Variants in SLCO1A2 observed in about 807,000 individuals in gnomAD.
SLCO1A2 encodes the protein OATP-1.
A neutral mutation model predicts 69.0 loss-of-function variants in SLCO1A2; 67 were observed. The ratio of observed to expected loss-of-function variants is 0.97; its 90% confidence interval spans 0.80 to 1.19. The LOEUF (loss-of-function observed/expected upper bound fraction) is 1.19, where lower values mean the gene tolerates loss of function less well. Among genes scored for constraint, SLCO1A2 ranks in the 50% most tolerant of loss-of-function variants. The probability of loss-of-function intolerance (pLI) is 0.00; values close to 1 mark genes in which losing one functional copy is unlikely to be tolerated. For synonymous variants in SLCO1A2, 260 were observed against 265.9 expected, an observed-to-expected ratio of 0.98 and a Z score of 0.22; for missense variants, 787 against 793.7, an observed-to-expected ratio of 0.99 and a Z score of 0.10.
intron 2 of SLCO1A2, among the ~76,000 whole-genome samples, chr12:21,356,481 A>C (rs1342687609): frequency 3.3e-5 from 5 of 152,004 alleles, no homozygotes; most frequent in Non-Finnish European, 5.9e-5. Context: ...AGTGGGATAC[A>C]AAAGAAAAAA....
At chr12:21,367,929 A>G (rs142021881) in intron 2 of SLCO1A2, among the ~76,000 whole-genome samples, 7 of 152,284 alleles carry the variant, frequency 4.6e-5, no homozygotes, top group Middle Eastern at 3.4e-3. Context: ...TTAACAAGAG[A>G]TGTTCTCTTT....
At chr12:21,360,508 T>C (rs959713163) in intron 2 of SLCO1A2, among the ~76,000 whole-genome samples, 7 of 152,220 alleles carry the variant, frequency 4.6e-5, no homozygotes, top group South Asian at 2.1e-4. Context: ...TGGTGATTTC[T>C]GCATTTCCAA....
chr12:21,405,742 T>C (rs553766611), intron 1 of SLCO1A2, among the ~76,000 whole-genome samples: 2 of 152,304 alleles, frequency 1.3e-5, no homozygotes, highest in Non-Finnish European at 2.9e-5. Flanking sequence ...TCCTTACACC[T>C]TATACAAAAA....
rs753322266 is a variant in SLCO1A2, at chr12:21,304,494, G to A, written c.522C>T (p.Pro174=). The part of the protein sequence containing the change: ...GNIVRGMGET[P]ILPLGISYIE... Reference sequence around the variant, plus strand: ...TATAGGAAATACCCAAAGGCAGGATGGGAGTTTCACCCATTCCACGTACAA... The same window carrying A: ...TATAGGAAATACCCAAAGGCAGGATAGGAGTTTCACCCATTCCACGTACAA... Residue 174 remains proline (P), a synonymous_variant, in exon 6 of 15, where the codon CCC becomes CCT. Transcript: ENST00000683939. The A allele has an allele frequency of 1.2e-6, 2 of 1,612,060 alleles. No homozygotes were observed. The highest frequency in any genetic ancestry group is 2.2e-5 in the South Asian group (2 of 91,038).
intron 12 of SLCO1A2, among the ~76,000 whole-genome samples, chr12:21,287,148 TCAAA>T (rs1282789372): frequency 7.6e-6 from 1 of 132,166 alleles, no homozygotes; most frequent in Admixed American, 7.4e-5. Flanking sequence ...TACAATGAAC[TCAAA>T]CAAATTTACA....
intron 2 of SLCO1A2, among the ~76,000 whole-genome samples, chr12:21,321,225 C>G (rs1252660376): frequency 6.6e-6 from 1 of 152,196 alleles, no homozygotes; most frequent in East Asian, 1.9e-4. Context: ...TCGATTCTTT[C>G]TCTCTTCTTT....
At chr12:21,393,876 C>G (rs1297653541) in intron 1 of SLCO1A2, among the ~76,000 whole-genome samples, 5 of 152,176 alleles carry the variant, frequency 3.3e-5, no homozygotes, top group African/African-American at 1.2e-4. Flanking sequence ...TGAATTTTGA[C>G]ATGTAACTAC....
At chr12:21,331,130 T>G (rs930920389) in intron 2 of SLCO1A2, among the ~76,000 whole-genome samples, 3 of 152,106 alleles carry the variant, frequency 2.0e-5, no homozygotes, top group Non-Finnish European at 4.4e-5. Context: ...TAATTTACCT[T>G]TGAATAAGAA....
intron 1 of SLCO1A2, chr12:21,376,465 C>A (rs148144550): frequency 2.2e-3 from 397 of 177,350 alleles, no homozygotes; most frequent in Non-Finnish European, 3.7e-3. Context: ...ATTTATGGTA[C>A]CTTCAAAAAT....
At chr12:21,326,557 A>G (rs569485848) in intron 2 of SLCO1A2, among the ~76,000 whole-genome samples, 1 of 152,326 alleles carries the variant, frequency 6.6e-6, no homozygotes, top group South Asian at 2.1e-4. Context: ...GATATGGACA[A>G]TAAAGTCCAG....
At chr12:21,378,135 T>G in intron 1 of SLCO1A2, 1 of 1,081,594 alleles carries the variant, frequency 9.2e-7, no homozygotes, top group Non-Finnish European at 1.4e-6. Context: ...ATGTGAAAAT[T>G]GTTTCTTTGG....
intron 12 of SLCO1A2, among the ~76,000 whole-genome samples, chr12:21,279,883 C>A (rs1012988561): frequency 1.1e-4 from 16 of 151,946 alleles, no homozygotes; most frequent in Admixed American, 3.9e-4. Context: ...ATATTAACAA[C>A]TTTTCAAGAC....
chr12:21,352,370 T>G (rs536205247), intron 2 of SLCO1A2, among the ~76,000 whole-genome samples: 1 of 152,316 alleles, frequency 6.6e-6, no homozygotes, highest in African/African-American at 2.4e-5. Flanking sequence ...AAAATCTCAA[T>G]TAATCTCATT....
rs34875372 is a variant in SLCO1A2, at chr12:21,302,555, A to ATTT, written c.590-1289_590-1287dup. ...TCTTGATTTCATTTATTACCTCTCCATTTTTTTTTTTTTGAGATGGAGTTT... is the reference window on the plus strand; with the variant it reads ...TCTTGATTTCATTTATTACCTCTCCATTTTTTTTTTTTTTTTGAGATGGAGTTT... On this transcript the variant is annotated intron_variant, in intron 6 of 14. Coordinates refer to ENST00000683939, the MANE Select transcript of SLCO1A2 (RefSeq NM_001386879.1). Among the ~76,000 whole-genome samples the ATTT allele has an allele frequency of 4.8e-4, 68 of 140,866 alleles. 1 individual carries two copies. The highest frequency in any genetic ancestry group is 1.6e-3 in the South Asian group (7 of 4,400). 92.4% of individuals were successfully genotyped at this position (140,866 alleles called of 152,430 possible). A position where few individuals can be genotyped will look rare whatever the true frequency, so the allele number is the denominator to read the frequency against.
intron 12 of SLCO1A2, among the ~76,000 whole-genome samples, chr12:21,291,713 A>G (rs16923623): frequency 0.026 from 4,002 of 152,198 alleles, 177 homozygotes; most frequent in African/African-American, 0.092. Flanking sequence ...TATTATGCCC[A>G]TTATTATTAA....
chr12:21,391,728 T>A (rs567973405), intron 1 of SLCO1A2, among the ~76,000 whole-genome samples: 8 of 151,428 alleles, frequency 5.3e-5, no homozygotes, highest in Non-Finnish European at 1.2e-4. Flanking sequence ...TACTTTCCGT[T>A]GACATTCAAA....
At position 21,275,368 on chromosome 12, in the gene SLCO1A2, C is replaced by G. The variant is rs1487428339; in HGVS notation, c.1667G>C (p.Arg556Thr). The G allele has an allele frequency of 1.3e-6, 2 of 1,559,048 alleles. No homozygotes were observed. The highest frequency in any genetic ancestry group is 2.7e-5 in the African/African-American group (2 of 73,818). Reference protein sequence around the residue: ...LGVGLHTFCTRVFAGIPAPIY... With the variant: ...LGVGLHTFCTTVFAGIPAPIY... Reference sequence around the variant, plus strand: ...AAAATAACTATTTTTACCAAATACTCTTGTGCAAAATGTATGTAATCCCAC... The same window carrying G: ...AAAATAACTATTTTTACCAAATACTGTTGTGCAAAATGTATGTAATCCCAC... The change falls in exon 13 of 15, where the codon AGA becomes ACA. Residue 556 changes from arginine (R) to threonine (T), a missense_variant. Arg to Thr is a moderately conservative substitution (Grantham distance 71). Coordinates refer to ENST00000683939, the MANE Select transcript of SLCO1A2 (RefSeq NM_001386879.1).
chr12:21,373,761 T>C, intron 2 of SLCO1A2: 2 of 689,518 alleles, frequency 2.9e-6, no homozygotes, highest in Non-Finnish European at 5.3e-6. Flanking sequence ...ATTAACCTGA[T>C]ACTGAAACAA....
intron 2 of SLCO1A2, among the ~76,000 whole-genome samples, chr12:21,331,425 A>G (rs532298021): frequency 1.3e-5 from 2 of 152,252 alleles, no homozygotes; most frequent in Admixed American, 1.3e-4. Context: ...GCAGCTTCAG[A>G]GGTCTGGCTG....
Sources: allele counts gnomAD v4.1 joint callset (sites outside exome capture counted in the v4.1 genomes callset), GRCh38; gene constraint gnomAD v4.1.1; transcripts MANE v1.5; gene names NCBI Gene and HGNC (gene_info 2026-07-23, HGNC 2026-07-21).